The following GRIP1 variants were observed in gnomAD, a reference collection of about 807,000 sequenced individuals.
GRIP1 encodes glutamate receptor interacting protein 1.
Under a neutral mutation model 129.9 loss-of-function variants are expected in GRIP1, and 45 were observed. The ratio of observed to expected loss-of-function variants is 0.35; its 90% CI spans 0.27 to 0.44. The LOEUF (loss-of-function observed/expected upper bound fraction) is 0.44. GRIP1 is among the 20% of genes least tolerant of loss of function. The pLI is 1.00. For missense variants in GRIP1, 1,196 were observed against 1,396.8 expected (o/e 0.86, Z 2.29); for synonymous variants, 530 against 520.8 (o/e 1.02, Z -0.24).
chr12:67,034,657 G>C (rs138537767), intron 1 of GRIP1, among the ~76,000 whole-genome samples: 1 of 152,276 alleles, frequency 6.6e-6, no homozygotes, highest in Non-Finnish European at 1.5e-5. Context: ...TGAAAGCCTA[G>C]AACACGACTG....
chr12:66,788,671 C>T (rs73329243), intron 1 of GRIP1, among the ~76,000 whole-genome samples: 2,209 of 152,082 alleles, frequency 0.015, 62 homozygotes, highest in African/African-American at 0.05. Flanking sequence ...GGGCATTTGC[C>T]GGGAGAAAAA....
intron 1 of GRIP1, among the ~76,000 whole-genome samples, chr12:66,978,092 G>T (rs2137607688): frequency 6.6e-6 from 1 of 151,880 alleles, no homozygotes; most frequent in Non-Finnish European, 1.5e-5. Flanking sequence ...AAAGTGCTTG[G>T]ATTACAGATC....
chr12:66,806,862 A>C (rs975484841), upstream of GRIP1, among the ~76,000 whole-genome samples: 1 of 151,902 alleles, frequency 6.6e-6, no homozygotes, highest in South Asian at 2.1e-4. Context: ...GTAATGATAG[A>C]ATTTTTATAT....
At chr12:66,667,137 G>C (rs1442869828) in intron 1 of GRIP1, among the ~76,000 whole-genome samples, 4 of 151,774 alleles carry the variant, frequency 2.6e-5, no homozygotes, top group Non-Finnish European at 1.5e-5. Context: ...CCCTTTTCTC[G>C]TCTGCTCTCC....
At chr12:66,941,693 C>G (rs1592372237) in intron 1 of GRIP1, among the ~76,000 whole-genome samples, 1 of 152,278 alleles carries the variant, frequency 6.6e-6, no homozygotes, top group East Asian at 1.9e-4. Context: ...TTTTCATTTT[C>G]ATTTCATACC....
intron 1 of GRIP1, among the ~76,000 whole-genome samples, chr12:66,834,861 T>C (rs1441783242): frequency 7.5e-6 from 1 of 133,160 alleles, no homozygotes; most frequent in Non-Finnish European, 1.6e-5. Flanking sequence ...TTCAAGGCTA[T>C]ACGAGCTATG....
intron 1 of GRIP1, among the ~76,000 whole-genome samples, chr12:66,822,796 A>T (rs1293466565): frequency 6.6e-6 from 1 of 152,168 alleles, no homozygotes; most frequent in East Asian, 1.9e-4. Flanking sequence ...GTGGAAGCAG[A>T]ACATTGGGTA....
intron 1 of GRIP1, among the ~76,000 whole-genome samples, chr12:66,709,574 G>A (rs2035646721): frequency 6.6e-6 from 1 of 151,832 alleles, no homozygotes; most frequent in African/African-American, 2.4e-5. Flanking sequence ...TTGTTCCTAG[G>A]GTTGGGCGGG....
intron 7 of GRIP1, among the ~76,000 whole-genome samples, chr12:66,467,794 CATT>C (rs2059327712): frequency 6.6e-6 from 1 of 152,208 alleles, no homozygotes; most frequent in African/African-American, 2.4e-5. Context: ...CCTTTTCTCA[CATT>C]ATCTTTCTAG....
At position 66,539,201 on chromosome 12, in the gene GRIP1, C is replaced by T; in HGVS notation, c.295G>A (p.Asp99Asn). 2 of 1,613,856 alleles carry T rather than the reference C, an allele frequency of 1.2e-6. No individual in the cohort carries two copies. Among genetic ancestry groups the T allele is most frequent in the Non-Finnish European group, 8.5e-7 (1 of 1,179,774 alleles). Residue 99 changes from aspartate to asparagine, a missense_variant, in exon 4 of 25, where the codon GAC (aspartate) becomes AAC (asparagine). Transcript: ENST00000359742. ...ATTCCATTCACTGCTTTGATGTAGT[C>T]ACCCACATCCAGCTGGTCACTTCTG... ...AARSDQLDVG[D>N]YIKAVNGINL...
chr12:66,677,319 T>C (rs1019192849), intron 1 of GRIP1, among the ~76,000 whole-genome samples: 1 of 152,176 alleles, frequency 6.6e-6, no homozygotes, highest in Non-Finnish European at 1.5e-5. Context: ...TCCTTGTATG[T>C]AGTACTTATA....
chr12:66,605,556 CA>C (rs1417376306), intron 1 of GRIP1, among the ~76,000 whole-genome samples: 1 of 152,154 alleles, frequency 6.6e-6, no homozygotes, highest in Non-Finnish European at 1.5e-5. Context: ...AAATGATCCA[CA>C]TATATCTGTG....
chr12:66,647,547 C>T (rs538607253), intron 1 of GRIP1, among the ~76,000 whole-genome samples: 36 of 152,224 alleles, frequency 2.4e-4, no homozygotes, highest in African/African-American at 8.2e-4. Context: ...TGTTCATGGT[C>T]CTCCTGCATC....
At chr12:66,512,392 T>C (rs1349485824) in intron 7 of GRIP1, among the ~76,000 whole-genome samples, 2 of 152,070 alleles carry the variant, frequency 1.3e-5, no homozygotes, top group African/African-American at 4.8e-5. Context: ...AAAATGCTGA[T>C]AGTGACATGT....
intron 1 of GRIP1, among the ~76,000 whole-genome samples, chr12:66,857,079 T>C (rs1250237905): frequency 6.6e-6 from 1 of 152,094 alleles, no homozygotes; most frequent in South Asian, 2.1e-4. Context: ...TGTAGGGACA[T>C]GGATGAAGCT....
At position 66,871,197 on chromosome 12, in the gene GRIP1, T is replaced by C. The variant is rs2040290310; in HGVS notation, c.58+197853A>G. On this transcript the variant is annotated intron_variant, in intron 1 of 1. Coordinates refer to the GRIP1 transcript ENST00000643019. ...AGGAATTAGGGTCTGGAATGCAGAC[T>C]GTTGAAGGATTAGGCAATGCTGCGA... 3.3e-5 allele frequency among the ~76,000 whole-genome samples: 5 copies of C among 152,100 alleles called. No homozygotes were observed. In the South Asian group the frequency reaches 1.0e-3, roughly 32 times the overall value.
At chr12:66,978,824 T>C (rs1404803333) in intron 1 of GRIP1, among the ~76,000 whole-genome samples, 1 of 152,218 alleles carries the variant, frequency 6.6e-6, no homozygotes, top group East Asian at 1.9e-4. Flanking sequence ...TTTCATTTTC[T>C]TTCACTTGAT....
intron 1 of GRIP1, among the ~76,000 whole-genome samples, chr12:66,672,266 T>A (rs959760450): frequency 6.6e-6 from 1 of 152,200 alleles, no homozygotes; most frequent in African/African-American, 2.4e-5. Context: ...ATTGTATTCT[T>A]CATATATTCA....
intron 19 of GRIP1, among the ~76,000 whole-genome samples, chr12:66,384,581 A>C (rs2056270704): frequency 6.6e-6 from 1 of 152,226 alleles, no homozygotes; most frequent in East Asian, 1.9e-4. Context: ...TAACCATCAA[A>C]AGAGGGTTTT....
Sources: allele counts gnomAD v4.1 joint callset (sites outside exome capture counted in the v4.1 genomes callset), GRCh38; gene constraint gnomAD v4.1.1; transcripts MANE v1.5; gene names NCBI Gene and HGNC (gene_info 2026-07-23, HGNC 2026-07-21).